The following MIA2 variants were observed in gnomAD, a reference collection of about 807,000 sequenced individuals.
MIA2 encodes melanoma inhibitory activity protein 2.
Under a neutral mutation model 167.8 loss-of-function variants are expected in MIA2, and 127 were observed. The ratio of observed to expected loss-of-function variants is 0.76; its 90% confidence interval spans 0.66 to 0.88. MIA2 has a LOEUF of 0.88. Ranked by LOEUF, MIA2 falls within the 40% of genes least tolerant of loss-of-function variation. The probability of loss-of-function intolerance (pLI) is 0.00; values close to 1 mark genes in which losing one functional copy is unlikely to be tolerated. For missense variants in MIA2, 1,690 were observed against 1,624.7 expected (o/e 1.04, Z -0.69); for synonymous variants, 552 against 541.9 (o/e 1.02, Z -0.26).
chr14:39,285,494 G>A (rs1365621345), intron 9 of MIA2, among the ~76,000 whole-genome samples: 3 of 146,930 alleles, frequency 2.0e-5, no homozygotes, highest in East Asian at 4.2e-4. Flanking sequence ...CCTCCCTCCC[G>A]GACGGGGCGG....
chr14:39,364,348 G>A (rs113624843), intron 23 of MIA2, among the ~76,000 whole-genome samples: 2,853 of 150,764 alleles, frequency 0.019, 99 homozygotes, highest in African/African-American at 0.067. Flanking sequence ...CCAACCTGGC[G>A]ACAGAGCAAG....
At chr14:39,356,195 G>C (rs532815576), downstream of MIA2, among the ~76,000 whole-genome samples, 2 of 151,512 alleles carry the variant, frequency 1.3e-5, no homozygotes, top group South Asian at 4.2e-4. Context: ...GACTTTTTTT[G>C]GTTGGTAAGC....
chr14:39,240,643 C>T lies in MIA2; in HGVS notation c.332C>T (p.Thr111Met), dbSNP rs777611456. 1.6e-5 allele frequency: 25 copies of T among 1,605,126 alleles called. No homozygotes were observed. Among genetic ancestry groups the T allele is most frequent in the Admixed American group, 1.3e-4 (8 of 59,708 alleles). Residue 111 changes from threonine to methionine, a missense_variant, in exon 3 of 29, where the codon ACG (threonine) becomes ATG (methionine). Transcript: ENST00000640607. ...VFISEEIQMSTKESDFLCLLG... is the reference protein window; with the variant it reads ...VFISEEIQMSMKESDFLCLLG... The stretch of plus-strand genomic sequence containing the variant: ...ATATCTGAGGAAATTCAGATGTCAA[C>T]GAAAGTGAGTAAACTCATTCTCAGT...
At chr14:39,288,877 G>C (rs1570132) in intron 9 of MIA2, among the ~76,000 whole-genome samples, 1 of 151,838 alleles carries the variant, frequency 6.6e-6, no homozygotes, top group African/African-American at 2.4e-5. Flanking sequence ...TAGGATTTTT[G>C]CATCAGTGTT....
intron 6 of MIA2, chr14:39,266,161 G>C (rs1197454194): frequency 1.0e-6 from 1 of 985,252 alleles, no homozygotes; most frequent in African/African-American, 1.7e-5. Flanking sequence ...TGGGTGATTT[G>C]TTTAGGAGGA....
At position 39,303,544 on chromosome 14, in the gene MIA2, T is replaced by C; in HGVS notation, c.2787+20T>C. 1 of 1,581,732 alleles carries C rather than the reference T, an allele frequency of 6.3e-7. No individual in the cohort carries two copies. The highest frequency in any genetic ancestry group is 8.7e-7 in the Non-Finnish European group (1 of 1,154,496). ...GCTAAGGTTTGTGCTATTAGATACT[T>C]AAAAAGAATAAGGAGGAAGAAAGAG... On this transcript the variant is annotated intron_variant, in intron 16 of 28. Transcript: ENST00000640607.
intron 6 of MIA2, chr14:39,265,410 C>T: frequency 6.2e-7 from 1 of 1,610,558 alleles, no homozygotes; most frequent in Non-Finnish European, 8.5e-7. Flanking sequence ...ATTGAAAAGT[C>T]CAGAGGAAGA....
intron 12 of MIA2, 132 bp downstream of exon 12, chr14:39,294,203 T>TTA (rs397852307): frequency 8.7e-6 from 5 of 577,486 alleles, no homozygotes; most frequent in Non-Finnish European, 1.5e-5. Context: ...TTTTTTTTTT[T>TTA]AACAATACCT....
chr14:39,276,682 A>G (rs1157187894), intron 6 of MIA2: 1 of 387,406 alleles, frequency 2.6e-6, no homozygotes, highest in Non-Finnish European at 4.7e-6. Flanking sequence ...GCCTTCTCTT[A>G]TTCTCATCCT....
intron 23 of MIA2, among the ~76,000 whole-genome samples, chr14:39,365,661 AT>A (rs1476596884): frequency 8.8e-5 from 3 of 34,046 alleles, no homozygotes; most frequent in African/African-American, 6.5e-4. Context: ...CTATCTATCT[AT>A]CTATCTATCT....
chr14:39,263,897 G>C (rs1784548926), intron 6 of MIA2, among the ~76,000 whole-genome samples: 1 of 152,068 alleles, frequency 6.6e-6, no homozygotes, highest in Non-Finnish European at 1.5e-5. Flanking sequence ...GCCTCCCAAA[G>C]TGCTGGGATT....
chr14:39,290,883 A>G lies in MIA2; in HGVS notation c.2131-136A>G, dbSNP rs151175204. Reference sequence around the variant, plus strand: ...TTGTTGTAGTGGTCAGATTTAAAAAACTTAAAGCTAAGTAAATCCAAGTAA... The same window carrying G: ...TTGTTGTAGTGGTCAGATTTAAAAAGCTTAAAGCTAAGTAAATCCAAGTAA... On this transcript the variant is annotated intron_variant, in intron 9 of 28. Transcript: ENST00000640607. 2.8e-3 allele frequency: 2,229 copies of G among 792,642 alleles called. 18 individuals are homozygous for G. The highest frequency in any genetic ancestry group is 0.01 in the South Asian group (579 of 55,292). 49.1% of individuals were successfully genotyped at this position (792,642 alleles called of 1,614,324 possible).
intron 6 of MIA2, among the ~76,000 whole-genome samples, chr14:39,259,272 C>T (rs1231149056): frequency 6.6e-6 from 1 of 152,182 alleles, no homozygotes; most frequent in Non-Finnish European, 1.5e-5. Flanking sequence ...GGGCTCTTAC[C>T]TTTCCTTCAG....
At chr14:39,307,536 G>A (rs572076252) in intron 17 of MIA2, among the ~76,000 whole-genome samples, 187 of 151,484 alleles carry the variant, frequency 1.2e-3, no homozygotes, top group Non-Finnish European at 2.0e-3. Context: ...CAAGTAGCTG[G>A]GATTGCAGGC....
At chr14:39,266,356 AATAG>A in intron 6 of MIA2, 1 of 985,366 alleles carries the variant, frequency 1.0e-6, no homozygotes, top group Non-Finnish European at 1.2e-6. Flanking sequence ...CGGTCCTAAA[AATAG>A]AGTCCTAAAT....
intron 23 of MIA2, among the ~76,000 whole-genome samples, chr14:39,380,633 C>T (rs187980461): frequency 1.4e-5 from 2 of 140,418 alleles, no homozygotes; most frequent in Admixed American, 1.6e-4. Context: ...GCGGAGGTTG[C>T]AGTGAGCTGA....
intron 23 of MIA2, among the ~76,000 whole-genome samples, chr14:39,359,079 T>C (rs980883678): frequency 6.6e-6 from 1 of 152,186 alleles, no homozygotes; most frequent in African/African-American, 2.4e-5. Context: ...TCTTCAAAGC[T>C]GTCAGACAGG....
chr14:39,277,079 G>C lies in MIA2; in HGVS notation c.2019+14G>C. Reference sequence around the variant, plus strand: ...AGTTTTAGATCGGTAAGTAACCAGTGCTATACTAAGAGAATGTTCATTTTG... The same window carrying C: ...AGTTTTAGATCGGTAAGTAACCAGTCCTATACTAAGAGAATGTTCATTTTG... On this transcript the variant is annotated intron_variant, in intron 7 of 28. Transcript: ENST00000640607. The C allele has an allele frequency of 1.2e-6, 2 of 1,607,544 alleles. No individual in the cohort carries two copies. The highest frequency in any genetic ancestry group is 1.7e-6 in the Non-Finnish European group (2 of 1,177,994).
intron 6 of MIA2, among the ~76,000 whole-genome samples, chr14:39,264,308 C>T (rs890969695): frequency 1.1e-4 from 17 of 152,170 alleles, no homozygotes; most frequent in Non-Finnish European, 2.2e-4. Context: ...AGTATTCCAT[C>T]GTGTATATGT....
Sources: allele counts gnomAD v4.1 joint callset (sites outside exome capture counted in the v4.1 genomes callset), GRCh38; gene constraint gnomAD v4.1.1; transcripts MANE v1.5; gene names NCBI Gene and HGNC (gene_info 2026-07-23, HGNC 2026-07-21).